SERPINA12: variants seen among roughly 807,000 people sequenced by gnomAD.
SERPINA12 encodes serpin family A member 12, also known as serpin A12.
Under a neutral mutation model 25.9 loss-of-function variants are expected in SERPINA12, and 21 were observed. The observed-to-expected ratio is 0.81, with a 90% CI of 0.58 to 1.17. The LOEUF is 1.17. SERPINA12 is among the 50% of genes most tolerant of loss of function. The pLI, the probability that SERPINA12 is intolerant of heterozygous loss-of-function variation, is 0.00. For missense variants in SERPINA12, 562 were observed against 508.3 expected (o/e 1.11, Z -1.02); for synonymous variants, 220 against 196.0 (o/e 1.12, Z -1.02).
At position 94,498,058 on chromosome 14, in the gene SERPINA12, C is replaced by T. The variant is rs575676262; in HGVS notation, c.340G>A (p.Glu114Lys). ...TCGTGGATGATGTAATGGAAGCCCT[C>T]ATGAAGATCTTTTTCTGGCATCTTT... ...FRKMPEKDLH[E>K]GFHYIIHELT... The change falls in exon 2 of 5, where the codon GAG becomes AAG. Residue 114 changes from glutamate (E) to lysine (K), a missense_variant. Coordinates refer to ENST00000677451, the MANE Select transcript of SERPINA12 (RefSeq NM_001382267.1). The T allele has an allele frequency of 6.9e-5, 111 of 1,614,192 alleles. No homozygotes were observed. Among genetic ancestry groups the T allele is most frequent in the Middle Eastern group, 6.6e-4 (4 of 6,062 alleles).
chr14:94,501,835 C>T (rs1298528344), intron 1 of SERPINA12, among the ~76,000 whole-genome samples: 1 of 152,122 alleles, frequency 6.6e-6, no homozygotes, highest in Non-Finnish European at 1.5e-5. Flanking sequence ...AACACCAGCC[C>T]CATTCCGGGC....
chr14:94,515,327 C>A (rs1566817388), intron 2 of SERPINA12, among the ~76,000 whole-genome samples: 1 of 152,094 alleles, frequency 6.6e-6, no homozygotes, highest in Non-Finnish European at 1.5e-5. Flanking sequence ...GGAAGGCTTC[C>A]TGGAGAAGGT....
chr14:94,501,238 G>A, intron 1 of SERPINA12: 1 of 839,968 alleles, frequency 1.2e-6, no homozygotes, highest in African/African-American at 1.9e-5. Context: ...GTGGGCGCAA[G>A]TTCCCAGTGC....
chr14:94,503,407 G>T (rs1900813059), intron 1 of SERPINA12: 2 of 698,118 alleles, frequency 2.9e-6, no homozygotes, highest in Non-Finnish European at 3.5e-6. Context: ...AGGCACTGGG[G>T]CACTAGAGCA....
intron 1 of SERPINA12, among the ~76,000 whole-genome samples, chr14:94,504,567 A>AT (rs1900866390): frequency 6.6e-6 from 1 of 152,108 alleles, no homozygotes. Context: ...TTCTTTTGCT[A>AT]TTTTTTCATG....
At chr14:94,503,215 C>T (rs1306971583) in intron 1 of SERPINA12, 14 of 984,806 alleles carry the variant, frequency 1.4e-5, no homozygotes, top group Non-Finnish European at 1.7e-5. Flanking sequence ...GACATATCTT[C>T]TCTCCCCTGT....
chr14:94,509,259 T>C (rs887985724), intron 1 of SERPINA12, among the ~76,000 whole-genome samples, 83 bp downstream of exon 1: 1 of 146,338 alleles, frequency 6.8e-6, no homozygotes, highest in Non-Finnish European at 1.5e-5. Context: ...GGTTGTCTTC[T>C]CTAAGACAGA....
In SERPINA12 at chr14:94,496,582, T is replaced by C. The variant is rs1900433278; in HGVS notation, c.696A>G (p.Lys232=). 1 of 1,614,070 alleles carries C rather than the reference T, an allele frequency of 6.2e-7. No homozygotes were observed. Among genetic ancestry groups the C allele is most frequent in the Non-Finnish European group, 8.5e-7 (1 of 1,179,954 alleles). Residue 232 remains lysine (K), a synonymous_variant, in exon 3 of 5, where the codon AAA becomes AAG. Coordinates refer to ENST00000677451, the MANE Select transcript of SERPINA12 (RefSeq NM_001382267.1). Reference sequence around the variant, plus strand: ...TCATGGGCACCTTGACTGAACTGTTTTTCTCCAGAAAGAAATCTTCCTCTT... The same window carrying C: ...TCATGGGCACCTTGACTGAACTGTTCTTCTCCAGAAAGAAATCTTCCTCTT... ...VTKEEDFFLE[K]NSSVKVPMMF...
At chr14:94,489,161 A>AAGAAAGAAAAAAAGAGAGAGAGAGACAG (rs1900035310) in intron 4 of SERPINA12, among the ~76,000 whole-genome samples, 1 of 151,022 alleles carries the variant, frequency 6.6e-6, no homozygotes, top group Non-Finnish European at 1.5e-5. Context: ...GAAAGAAAGA[A>AAGAAAGAAAAAAAGAGAGAGAGAGACAG]AGAAAGAAAA....
chr14:94,499,199 A>G (rs984622825), intron 1 of SERPINA12, among the ~76,000 whole-genome samples: 1 of 152,086 alleles, frequency 6.6e-6, no homozygotes, highest in African/African-American at 2.4e-5. Context: ...GGTGGTGGAT[A>G]CTCATTCCAG....
intron 3 of SERPINA12, 92 bp from the exon 4 acceptor site, chr14:94,489,859 C>T: frequency 7.6e-7 from 1 of 1,309,832 alleles, no homozygotes; most frequent in Non-Finnish European, 1.1e-6. Context: ...CATGTGTCCT[C>T]CCAGCCCCAA....
At position 94,487,301 on chromosome 14, in the gene SERPINA12, C is replaced by T. The variant is rs141470808; in HGVS notation, c.*2G>A. On this transcript the variant is annotated 3_prime_UTR_variant, in exon 5 of 5. Coordinates refer to ENST00000677451, the MANE Select transcript of SERPINA12 (RefSeq NM_001382267.1). The stretch of plus-strand genomic sequence containing the variant: ...GGGTCTGTGGCAAGCAGGAATTCTC[C>T]TTTATTTTCCAATAGGGTTAACAAT... 3.9e-5 allele frequency: 63 copies of T among 1,611,380 alleles called. No homozygotes were observed. In the African/African-American group the frequency reaches 6.1e-4, roughly 16 times the overall value.
intron 1 of SERPINA12, among the ~76,000 whole-genome samples, chr14:94,506,904 A>G (rs966938683): frequency 6.6e-6 from 1 of 152,246 alleles, no homozygotes; most frequent in East Asian, 1.9e-4. Flanking sequence ...GCCACCAGGT[A>G]TCAAGATGGC....
rs1214149391 is a variant in SERPINA12 at position 94,505,822 on chromosome 14, C to T, written c.-34+3520G>A. Reference sequence around the variant, plus strand: ...AGCGACACGGGCAGCACTGGGGATGCCTGAGTTCAGACAGTGCCAGAGGCC... The same window carrying T: ...AGCGACACGGGCAGCACTGGGGATGTCTGAGTTCAGACAGTGCCAGAGGCC... On this transcript the variant is annotated intron_variant, in intron 1 of 4. Coordinates refer to ENST00000677451, the MANE Select transcript of SERPINA12 (RefSeq NM_001382267.1). Among the ~76,000 whole-genome samples the T allele has an allele frequency of 2.6e-5, 4 of 152,194 alleles. No individual in the cohort carries two copies. In the East Asian group the frequency reaches 5.8e-4, roughly 22 times the overall value.
At chr14:94,498,723 A>G (rs146264318) in intron 1 of SERPINA12, among the ~76,000 whole-genome samples, 77 of 152,262 alleles carry the variant, frequency 5.1e-4, no homozygotes, top group African/African-American at 1.8e-3. Context: ...CCTCCATTGG[A>G]CCACAGTGAG....
intron 1 of SERPINA12, 81 bp from the exon 2 acceptor site, chr14:94,498,511 A>G: frequency 8.7e-7 from 1 of 1,145,526 alleles, no homozygotes; most frequent in Non-Finnish European, 1.2e-6. Flanking sequence ...AAGAAGAAAT[A>G]CAGTGACTAT....
chr14:94,502,218 T>C (rs1900761017), intron 1 of SERPINA12, among the ~76,000 whole-genome samples: 1 of 152,186 alleles, frequency 6.6e-6, no homozygotes, highest in Non-Finnish European at 1.5e-5. Context: ...GCTCCCATGT[T>C]CCCTATTAAT....
intron 1 of SERPINA12, among the ~76,000 whole-genome samples, chr14:94,500,394 C>T (rs1900665291): frequency 6.6e-6 from 1 of 152,002 alleles, no homozygotes; most frequent in South Asian, 2.1e-4. Context: ...CTCAGGCAGC[C>T]CATGTGCCTC....
At chr14:94,504,224 A>T (rs548813161) in intron 1 of SERPINA12, 1 of 152,338 alleles carries the variant, frequency 6.6e-6, no homozygotes, top group African/African-American at 2.4e-5. Context: ...AGTAAGGCCA[A>T]TACAATGAGC....
Sources: gnomAD v4.1 joint callset for allele counts (sites outside exome capture counted in the v4.1 genomes callset) on GRCh38, gnomAD v4.1.1 for gene constraint, MANE v1.5 for transcripts, NCBI Gene and HGNC (gene_info 2026-07-23, HGNC 2026-07-21) for gene names.